TTC28: variants seen among roughly 807,000 people sequenced by gnomAD.
TTC28 encodes the protein tetratricopeptide repeat domain 28.
Under a neutral mutation model 198.0 loss-of-function variants are expected in TTC28, and 61 were observed. The ratio of observed to expected loss-of-function variants is 0.31; its 90% CI spans 0.25 to 0.38. The LOEUF (loss-of-function observed/expected upper bound fraction) is 0.38, where lower values mean the gene tolerates loss of function less well. Ranked by LOEUF, TTC28 falls within the 10% of genes least tolerant of loss-of-function variation. The pLI is 1.00. For synonymous variants in TTC28, 1,171 were observed against 1,297.8 expected, an observed-to-expected ratio of 0.90 and a Z score of 2.10; for missense variants, 2,678 against 3,164.0, an observed-to-expected ratio of 0.85 and a Z score of 3.69.
At chr22:28,256,592 C>T (rs1472016625) in intron 5 of TTC28, among the ~76,000 whole-genome samples, 2 of 151,884 alleles carry the variant, frequency 1.3e-5, no homozygotes, top group Non-Finnish European at 2.9e-5. Flanking sequence ...TTAGATGGAA[C>T]CAGAAAAGAA....
chr22:28,520,044 C>A (rs1425152172), intron 2 of TTC28, among the ~76,000 whole-genome samples: 2 of 151,926 alleles, frequency 1.3e-5, no homozygotes, highest in Non-Finnish European at 2.9e-5. Flanking sequence ...TCATAGTAGG[C>A]AATAAGACAA....
chr22:28,174,655 G>A (rs1922988560), intron 5 of TTC28, among the ~76,000 whole-genome samples: 1 of 152,134 alleles, frequency 6.6e-6, no homozygotes, highest in Non-Finnish European at 1.5e-5. Context: ...TGAGGCTACA[G>A]GGAGCTATGA....
At chr22:28,360,355 C>T (rs2046139516) in intron 2 of TTC28, among the ~76,000 whole-genome samples, 2 of 152,200 alleles carry the variant, frequency 1.3e-5, no homozygotes, top group South Asian at 4.1e-4. Context: ...GAATAAGGCA[C>T]TTGAAATCAG....
intron 7 of TTC28, among the ~76,000 whole-genome samples, chr22:28,106,717 G>A (rs1036478310): frequency 2.0e-5 from 3 of 152,280 alleles, no homozygotes; most frequent in South Asian, 4.2e-4. Flanking sequence ...ATCAGCGAAA[G>A]TGACTCGTTC....
intron 14 of TTC28, among the ~76,000 whole-genome samples, chr22:28,003,891 G>A (rs1258851250): frequency 6.6e-6 from 1 of 152,196 alleles, no homozygotes; most frequent in Non-Finnish European, 1.5e-5. Flanking sequence ...CTCCCAAGCT[G>A]GGCCTCGACT....
At chr22:28,230,023 C>T (rs1928681511) in intron 5 of TTC28, among the ~76,000 whole-genome samples, 1 of 152,080 alleles carries the variant, frequency 6.6e-6, no homozygotes, top group Non-Finnish European at 1.5e-5. Context: ...TAGTGGGAAC[C>T]TGGTATCCAG....
At chr22:28,311,107 A>C (rs988010950) in intron 2 of TTC28, among the ~76,000 whole-genome samples, 2 of 151,990 alleles carry the variant, frequency 1.3e-5, no homozygotes, top group Non-Finnish European at 2.9e-5. Flanking sequence ...CGATATTTCA[A>C]ATTTGGAATT....
At chr22:28,673,435 C>A (rs57071456) in intron 1 of TTC28, among the ~76,000 whole-genome samples, 16 of 152,094 alleles carry the variant, frequency 1.1e-4, no homozygotes, top group South Asian at 1.0e-3. Context: ...AGCTTCCCCC[C>A]CTTACCTGGT....
intron 15 of TTC28, 112 bp downstream of exon 15, chr22:28,001,262 T>G: frequency 2.3e-6 from 3 of 1,325,922 alleles, no homozygotes; most frequent in South Asian, 1.5e-5. Context: ...AATCAACACT[T>G]TTGAGGAGAT....
intron 2 of TTC28, among the ~76,000 whole-genome samples, chr22:28,312,050 C>CAAAAAAAAAAAAA (rs2045268524): frequency 6.9e-6 from 1 of 145,934 alleles, no homozygotes; most frequent in African/African-American, 2.5e-5. Flanking sequence ...AAAAAAAAAG[C>CAAAAAAAAAAAAA]AAAGGTTGCA....
chr22:28,465,755 C>A (rs987234424), intron 2 of TTC28, among the ~76,000 whole-genome samples: 1 of 152,132 alleles, frequency 6.6e-6, no homozygotes, highest in African/African-American at 2.4e-5. Flanking sequence ...AAAGACCAGA[C>A]ATCAGGAATC....
rs573932994 is a variant in TTC28 at position 27,982,532 on chromosome 22, G to C, written c.7135C>G (p.Arg2379Gly). ...GAAGTCATCGTGCCAGGAGCCCCCC[G>C]GAAGATCTTCATTGGCCCTGTGGAA... The part of the protein sequence containing the change: ...QHSTGPMKIF[R>G]GAPGTMTSKR... The change falls in exon 23 of 23, where the codon CGG (arginine) becomes GGG (glycine). Residue 2379 changes from arginine to glycine, a missense_variant. Arg to Gly is a moderately radical substitution (Grantham distance 125). Coordinates refer to ENST00000397906, the MANE Select transcript of TTC28 (RefSeq NM_001145418.2). This position sits in a 1 kb window ranked among gnomAD's most constrained non-coding sequence, Gnocchi z 5.2. 1 of 1,551,594 alleles carries C rather than the reference G, an allele frequency of 6.4e-7. No homozygotes were observed. The highest frequency in any genetic ancestry group is 1.4e-5 in the African/African-American group (1 of 73,026).
intron 2 of TTC28, among the ~76,000 whole-genome samples, chr22:28,476,518 T>C (rs1392234539): frequency 2.0e-5 from 3 of 152,200 alleles, no homozygotes; most frequent in African/African-American, 7.2e-5. Context: ...ACTTTTAAAA[T>C]ATTGCCAAAC....
chr22:28,502,849 T>C (rs967224499), intron 2 of TTC28, among the ~76,000 whole-genome samples: 30 of 152,178 alleles, frequency 2.0e-4, no homozygotes, highest in Admixed American at 1.8e-3. Flanking sequence ...GTTTGGGCTA[T>C]ATATCTTATT....
At chr22:28,516,837 T>A (rs1035210003) in intron 2 of TTC28, among the ~76,000 whole-genome samples, 1 of 152,222 alleles carries the variant, frequency 6.6e-6, no homozygotes, top group African/African-American at 2.4e-5. Context: ...CAGCTTGATT[T>A]AGCTACTTCA....
chr22:28,027,204 G>A (rs1938870819), intron 13 of TTC28, among the ~76,000 whole-genome samples: 1 of 152,086 alleles, frequency 6.6e-6, no homozygotes, highest in Non-Finnish European at 1.5e-5. Flanking sequence ...TGCATGTGCT[G>A]GCCTACCAGT....
At chr22:28,620,745 C>T (rs561122607) in intron 2 of TTC28, among the ~76,000 whole-genome samples, 4 of 152,224 alleles carry the variant, frequency 2.6e-5, no homozygotes, top group African/African-American at 9.6e-5. Context: ...GACTTTCTAC[C>T]GGGCCAAAGA....
chr22:28,109,071 A>T (rs775331839), intron 6 of TTC28, among the ~76,000 whole-genome samples: 3 of 152,214 alleles, frequency 2.0e-5, no homozygotes, highest in Admixed American at 6.5e-5. Flanking sequence ...TCCTACTCTG[A>T]CCCAGCAATC....
At chr22:28,399,690 A>G (rs1452976569) in intron 2 of TTC28, among the ~76,000 whole-genome samples, 1 of 152,180 alleles carries the variant, frequency 6.6e-6, no homozygotes, top group African/African-American at 2.4e-5. Flanking sequence ...CTTAAATACT[A>G]TCAGTTCAAA....
Sources: gnomAD v4.1 joint callset for allele counts (sites outside exome capture counted in the v4.1 genomes callset) on GRCh38, gnomAD v4.1.1 for gene constraint, Gnocchi (gnomAD v3.1) non-coding constraint, MANE v1.5 for transcripts, NCBI Gene and HGNC (gene_info 2026-07-23, HGNC 2026-07-21) for gene names.